Variants in AXIN1 observed in about 807,000 individuals in gnomAD.
AXIN1 encodes the protein axin 1.
A neutral mutation model predicts 76.4 loss-of-function variants in AXIN1; 30 were observed. That is an observed-to-expected ratio of 0.39 (90% CI 0.29 to 0.53). AXIN1 has a LOEUF of 0.53. AXIN1 is among the 20% of genes least tolerant of loss of function. AXIN1 has a pLI of 0.66. For missense variants in AXIN1, 1,140 were observed against 1,198.8 expected (o/e 0.95, Z 0.72); for synonymous variants, 545 against 501.4 (o/e 1.09, Z -1.16).
chr16:345,389 C>T (rs1466932904), intron 2 of AXIN1, among the ~76,000 whole-genome samples: 1 of 152,180 alleles, frequency 6.6e-6, no homozygotes, highest in African/African-American at 2.4e-5. Flanking sequence ...TATTTCTCAG[C>T]CTGTAGGAAG....
In AXIN1 at chr16:290,684, C is replaced by G. The variant is rs77895497; in HGVS notation, c.2294+506G>C. 6.1e-4 allele frequency: 152 copies of G among 247,420 alleles called. 1 individual carries two copies. The highest frequency in any genetic ancestry group is 1.0e-3 in the Non-Finnish European group (124 of 123,332). 15.3% of individuals were successfully genotyped at this position (247,420 alleles called of 1,614,324 possible). ...ATCACATGGTCTGAGCCCTTTCTCA[C>G]GGGTTCAGAGCAGTCAGCATTGTAG... On this transcript the variant is annotated intron_variant, in intron 9 of 10. Transcript: ENST00000262320.
intron 9 of AXIN1, chr16:290,954 C>T (rs2052540467): frequency 3.4e-6 from 2 of 583,776 alleles, no homozygotes; most frequent in Admixed American, 5.4e-5. Context: ...AGGCCTCCAG[C>T]CGGGCCTTTT....
intron 2 of AXIN1, among the ~76,000 whole-genome samples, 179 bp downstream of exon 2, chr16:345,969 T>C (rs2141698811): frequency 6.6e-6 from 1 of 152,318 alleles, no homozygotes; most frequent in East Asian, 1.9e-4. Context: ...ACATTACAAA[T>C]ATAAAAAAGT....
Position 343,956 on chromosome 16 carries a change from C to T in AXIN1, c.878+2192G>A, listed in dbSNP as rs536805554. On this transcript the variant is annotated intron_variant, in intron 2 of 10. Coordinates refer to ENST00000262320, the MANE Select transcript of AXIN1 (RefSeq NM_003502.4). Reference sequence around the variant, plus strand: ...CAGAAGTTGCAGTGAGCCGAGATAGCGAGATAGTGCTACTGCACTCCAGCC... The same window carrying T: ...CAGAAGTTGCAGTGAGCCGAGATAGTGAGATAGTGCTACTGCACTCCAGCC... Among the ~76,000 whole-genome samples the T allele has an allele frequency of 1.8e-4, 26 of 146,204 alleles. No homozygotes were observed. In the Middle Eastern group the frequency reaches 0.018, roughly 103 times the overall value.
chr16:289,721 G>T, intron 9 of AXIN1, 114 bp from the exon 10 acceptor site: 1 of 1,358,818 alleles, frequency 7.4e-7, no homozygotes. Flanking sequence ...GGGGTGAGCA[G>T]CACCCCATTC....
intron 2 of AXIN1, among the ~76,000 whole-genome samples, chr16:331,257 C>A (rs991877157): frequency 2.0e-5 from 3 of 152,048 alleles, no homozygotes; most frequent in South Asian, 2.1e-4. Context: ...AAAAAAAATT[C>A]TGTACATGAA....
At chr16:290,477 C>T (rs1329985002) in intron 9 of AXIN1, 3 of 157,472 alleles carry the variant, frequency 1.9e-5, no homozygotes, top group African/African-American at 7.2e-5. Context: ...GTGGGGGCTG[C>T]CCCAGGGACA....
chr16:322,929 G>A (rs1039482249), intron 2 of AXIN1, among the ~76,000 whole-genome samples: 2 of 152,246 alleles, frequency 1.3e-5, no homozygotes, highest in Non-Finnish European at 2.9e-5. Flanking sequence ...GTCCAGGGAA[G>A]GGGCTCTGGC....
At chr16:338,845 C>T (rs1475801157) in intron 2 of AXIN1, among the ~76,000 whole-genome samples, 1 of 151,906 alleles carries the variant, frequency 6.6e-6, no homozygotes, top group Non-Finnish European at 1.5e-5. Flanking sequence ...ATCACTTGAA[C>T]CTGAGAGGCA....
Position 309,914 on chromosome 16 carries a change from A to G in AXIN1, c.1116+59T>C, listed in dbSNP as rs958064577. On this transcript the variant is annotated intron_variant, in intron 4 of 10. Coordinates refer to ENST00000262320, the MANE Select transcript of AXIN1 (RefSeq NM_003502.4). ...AAGTGCCTTTCCCGCGGACCAGTTC[A>G]CCAGGCCCACGCTGAGCGGGGAGGA... 3.5e-5 allele frequency: 54 copies of G among 1,561,754 alleles called. No homozygotes were observed. In the East Asian group the frequency reaches 8.1e-4, roughly 24 times the overall value.
chr16:297,684 A>G, intron 6 of AXIN1, 38 bp downstream of exon 6: 1 of 1,557,732 alleles, frequency 6.4e-7, no homozygotes, highest in Non-Finnish European at 8.6e-7. Flanking sequence ...ACACAGCCTC[A>G]CCCCAAGCCC....
At chr16:348,600 G>A (rs2054079374) in intron 1 of AXIN1, among the ~76,000 whole-genome samples, 1 of 152,152 alleles carries the variant, frequency 6.6e-6, no homozygotes, top group African/African-American at 2.4e-5. Flanking sequence ...AAGAGTTCAA[G>A]ACTAACCTGG....
rs1177783893 is a variant in AXIN1 at position 291,287 on chromosome 16, C to G, written c.2197G>C (p.Glu733Gln). ...CAGGCGCGTCCCCGCCGCATAACCTCCTGCACATACCTAGGGAACAACCCG... is the reference window on the plus strand; with the variant it reads ...CAGGCGCGTCCCCGCCGCATAACCTGCTGCACATACCTAGGGAACAACCCG... ...RAPSKQRYVQ[E>Q]VMRRGRACVR... The change falls in exon 9 of 11, where the codon GAG becomes CAG. Residue 733 changes from glutamate to glutamine, a missense_variant. By Grantham distance (29) the Glu-to-Gln change is conservative. Around this residue, in one of 3 missense-constraint regions of AXIN1, gnomAD observed 429 missense variants for 405.8 expected, o/e 1.06. Coordinates refer to ENST00000262320, the MANE Select transcript of AXIN1 (RefSeq NM_003502.4). 6.3e-7 allele frequency: 1 copy of G among 1,577,836 alleles called. No homozygotes were observed. The highest frequency in any genetic ancestry group is 2.3e-5 in the East Asian group (1 of 43,478).
chr16:304,258 CA>C (rs1567271582), intron 5 of AXIN1, 45 bp downstream of exon 5: 1 of 1,602,816 alleles, frequency 6.2e-7, no homozygotes. Flanking sequence ...GGCAAGAAAA[CA>C]GCACGACACC....
At chr16:324,314 T>G (rs2053531035) in intron 2 of AXIN1, among the ~76,000 whole-genome samples, 1 of 151,036 alleles carries the variant, frequency 6.6e-6, no homozygotes, top group Admixed American at 6.6e-5. Flanking sequence ...TGCCGGATCC[T>G]TTCTGAGCCC....
At chr16:344,355 G>A (rs1162214528) in intron 2 of AXIN1, among the ~76,000 whole-genome samples, 2 of 150,354 alleles carry the variant, frequency 1.3e-5, no homozygotes, top group Admixed American at 1.3e-4. Flanking sequence ...GCGTGAACCT[G>A]GGAGGCGGAG....
In AXIN1 at chr16:346,341, C is replaced by G. The variant is rs2141702063; in HGVS notation, c.685G>C (p.Gly229Arg). 6.2e-7 allele frequency: 1 copy of G among 1,614,246 alleles called. No homozygotes were observed. The highest frequency in any genetic ancestry group is 1.3e-5 in the African/African-American group (1 of 75,070). ...TATCCAGATATGCCCTTCCCTGTCC[C>G]TGACCCAGAGCTCTGGTCACTACAG... ...KVCSDQSSGS[G>R]TGKGISGYLP... Residue 229 changes from glycine to arginine, a missense_variant, in exon 2 of 11, where the codon GGG becomes CGG. By Grantham distance (125) the Gly-to-Arg change is moderately radical. Transcript: ENST00000262320.
At chr16:325,633 C>T (rs1464973910) in intron 2 of AXIN1, among the ~76,000 whole-genome samples, 1 of 152,220 alleles carries the variant, frequency 6.6e-6, no homozygotes, top group Non-Finnish European at 1.5e-5. Context: ...TGCCAAGGAG[C>T]GGTCACCGCC....
At chr16:316,639 G>A (rs970478092) in intron 2 of AXIN1, among the ~76,000 whole-genome samples, 1 of 152,082 alleles carries the variant, frequency 6.6e-6, no homozygotes, top group East Asian at 1.9e-4. Flanking sequence ...CTTTACAGGG[G>A]GTTTATCACA....
Sources: gnomAD v4.1 joint callset for allele counts (sites outside exome capture counted in the v4.1 genomes callset) on GRCh38, gnomAD v4.1.1 for gene constraint, gnomAD v4.1.1 regional missense constraint, MANE v1.5 for transcripts, NCBI Gene and HGNC (gene_info 2026-07-23, HGNC 2026-07-21) for gene names.